Variants in IHO1 observed in about 807,000 individuals in gnomAD.
IHO1 encodes interactor of HORMAD1 1.
IHO1 carries 13 observed loss-of-function variants against 31.0 expected under a neutral mutation model. The observed-to-expected ratio is 0.42, with a 90% CI of 0.27 to 0.67. The LOEUF is 0.67. Ranked by LOEUF, IHO1 falls within the 30% of genes least tolerant of loss-of-function variation. The pLI is 0.24. For synonymous variants in IHO1, 221 were observed against 248.4 expected, an observed-to-expected ratio of 0.89 and a Z score of 1.04; for missense variants, 599 against 687.5, an observed-to-expected ratio of 0.87 and a Z score of 1.44.
At chr3:49,225,508 T>C (rs558545215) in intron 2 of IHO1, among the ~76,000 whole-genome samples, 1 of 151,630 alleles carries the variant, frequency 6.6e-6, no homozygotes, top group African/African-American at 2.4e-5. Flanking sequence ...GGCTTAAGGC[T>C]GGAGCTTGAG....
chr3:49,236,476 C>T (rs1352663416), intron 2 of IHO1, 72 bp from the exon 3 acceptor site: 1 of 1,121,918 alleles, frequency 8.9e-7, no homozygotes, highest in African/African-American at 1.5e-5. Flanking sequence ...CTGAAATGGA[C>T]AGCTGTGAAC....
At chr3:49,243,543 G>A (rs1259965840) in intron 4 of IHO1, among the ~76,000 whole-genome samples, 1 of 151,770 alleles carries the variant, frequency 6.6e-6, no homozygotes. Flanking sequence ...CGGATCACGA[G>A]GTCAGGAGAT....
chr3:49,227,845 C>T (rs960299395), intron 2 of IHO1, among the ~76,000 whole-genome samples: 2 of 152,256 alleles, frequency 1.3e-5, no homozygotes, highest in Non-Finnish European at 1.5e-5. Context: ...TCCCCATATC[C>T]TAGCTTCAGG....
chr3:49,254,603 A>G (rs2046801643), intron 6 of IHO1, among the ~76,000 whole-genome samples: 1 of 152,162 alleles, frequency 6.6e-6, no homozygotes, highest in Non-Finnish European at 1.5e-5. Context: ...GGACAGAAAC[A>G]GGGTACTTGA....
chr3:49,201,273 A>G (rs1185133877), intron 1 of IHO1, among the ~76,000 whole-genome samples: 1 of 151,696 alleles, frequency 6.6e-6, no homozygotes, highest in African/African-American at 2.4e-5. Flanking sequence ...GATTACAGGC[A>G]TGAACCACCG....
chr3:49,214,619 TA>T (rs2046263354), intron 2 of IHO1, among the ~76,000 whole-genome samples: 1 of 33,082 alleles, frequency 3.0e-5, no homozygotes, highest in African/African-American at 9.9e-5. Flanking sequence ...TATATATATA[TA>T]TATATATATA....
At chr3:49,245,096 C>G (rs1009443913) in intron 6 of IHO1, 2 of 480,916 alleles carry the variant, frequency 4.2e-6, no homozygotes, top group African/African-American at 3.8e-5. Flanking sequence ...CTGACTGCCC[C>G]CTTAGGAGTT....
rs189671435 is a variant in IHO1, at chr3:49,205,794, G to A, written c.-15-5972G>A. Among the ~76,000 whole-genome samples the A allele has an allele frequency of 4.0e-3, 562 of 142,252 alleles. 2 individuals carry two copies. Among genetic ancestry groups the A allele is most frequent in the Middle Eastern group, 0.02 (5 of 246 alleles). The allele number at this position is 142,252 out of a possible 152,430, so 93.3% of individuals were successfully genotyped here. ...TTTTTTTTTTTTTTTTTGTGAGATG[G>A]GGTCTTGCTCTGTCGCCCAGGCTGG... On this transcript the variant is annotated intron_variant, in intron 1 of 7. Transcript: ENST00000452691.
At chr3:49,243,757 CAAAAA>C (rs1158612762) in intron 4 of IHO1, among the ~76,000 whole-genome samples, 1 of 44,584 alleles carries the variant, frequency 2.2e-5, no homozygotes, top group African/African-American at 8.6e-5. Context: ...GACTCTGTCT[CAAAAA>C]AAAAAAAAAA....
At chr3:49,250,978 C>T (rs1189076589) in intron 6 of IHO1, among the ~76,000 whole-genome samples, 3 of 151,904 alleles carry the variant, frequency 2.0e-5, no homozygotes, top group African/African-American at 4.8e-5. Context: ...GAGCCAAGAT[C>T]GCGCCACTGC....
At chr3:49,220,558 G>A (rs747724321) in intron 2 of IHO1, among the ~76,000 whole-genome samples, 13 of 152,138 alleles carry the variant, frequency 8.5e-5, no homozygotes, top group Non-Finnish European at 1.9e-4. Flanking sequence ...TGTGGCGAGT[G>A]TCACAGCTCT....
chr3:49,246,611 G>C lies in IHO1; in HGVS notation c.532+1878G>C, dbSNP rs145715306. Among the ~76,000 whole-genome samples, 5 of 152,160 alleles carry C rather than the reference G, an allele frequency of 3.3e-5. No individual in the cohort carries two copies. The East Asian group carries it at 7.7e-4, about 24-fold the overall frequency. Reference sequence around the variant, plus strand: ...TGCAGTGAGCTGAGATCGTGCCACTGTACTCCAGCCTGAACAACAGAGTGA... The same window carrying C: ...TGCAGTGAGCTGAGATCGTGCCACTCTACTCCAGCCTGAACAACAGAGTGA... On this transcript the variant is annotated intron_variant, in intron 6 of 7. Coordinates refer to ENST00000452691, the MANE Select transcript of IHO1 (RefSeq NM_001135197.2).
chr3:49,219,953 C>A (rs2046333616), intron 2 of IHO1, among the ~76,000 whole-genome samples: 1 of 152,118 alleles, frequency 6.6e-6, no homozygotes, highest in Non-Finnish European at 1.5e-5. Context: ...GAGTTTCATC[C>A]CTACCCTTCT....
chr3:49,205,315 G>C (rs905128762), intron 1 of IHO1, among the ~76,000 whole-genome samples: 1 of 151,918 alleles, frequency 6.6e-6, no homozygotes, highest in Non-Finnish European at 1.5e-5. Context: ...TATGCGGTGA[G>C]GGCGACCAGA....
intron 1 of IHO1, among the ~76,000 whole-genome samples, chr3:49,209,723 T>C (rs919118243): frequency 2.7e-5 from 4 of 146,918 alleles, no homozygotes; most frequent in African/African-American, 4.9e-5. Context: ...TGACATGTCT[T>C]TTTTTTTTTG....
intron 1 of IHO1, among the ~76,000 whole-genome samples, chr3:49,202,321 TA>T (rs1559435401): frequency 1.3e-5 from 2 of 149,892 alleles, no homozygotes; most frequent in African/African-American, 4.9e-5. Context: ...TACTTCTTTT[TA>T]ATTTTTTTTT....
rs1349148339 is a variant in IHO1, at chr3:49,210,937, C to T, written c.-15-829C>T. Among the ~76,000 whole-genome samples the T allele has an allele frequency of 5.3e-5, 8 of 151,688 alleles. 1 individual carries two copies. The highest frequency in any genetic ancestry group is 1.9e-4 in the African/African-American group (8 of 41,258). Reference sequence around the variant, plus strand: ...GGTCTGGATCTCCTGACCTAGTGATCCACCCGCCTCGGTCTCCCAAAGTGC... The same window carrying T: ...GGTCTGGATCTCCTGACCTAGTGATTCACCCGCCTCGGTCTCCCAAAGTGC... On this transcript the variant is annotated intron_variant, in intron 1 of 7. Transcript: ENST00000452691.
At chr3:49,242,840 A>C (rs541828397) in intron 4 of IHO1, among the ~76,000 whole-genome samples, 15 of 152,282 alleles carry the variant, frequency 9.9e-5, no homozygotes, top group South Asian at 4.2e-4. Flanking sequence ...ACAACAACAA[A>C]AAAGAATAGA....
At chr3:49,199,469 G>A (rs928729809), upstream of IHO1, 1 of 151,934 alleles carries the variant, frequency 6.6e-6, no homozygotes, top group African/African-American at 2.4e-5. Context: ...GTCAGAAGAG[G>A]ACCTGGGGGC....
Sources: gnomAD v4.1 joint callset for allele counts (sites outside exome capture counted in the v4.1 genomes callset) on GRCh38, gnomAD v4.1.1 for gene constraint, MANE v1.5 for transcripts, NCBI Gene and HGNC (gene_info 2026-07-23, HGNC 2026-07-21) for gene names.